The following AP3S2 variants were observed in gnomAD, a reference collection of about 807,000 sequenced individuals.
AP3S2 encodes the protein adaptor related protein complex 3 subunit sigma 2, also known as AP-3 complex subunit sigma-2.
Under a neutral mutation model 23.4 loss-of-function variants are expected in AP3S2, and 22 were observed. The ratio of observed to expected loss-of-function variants is 0.94; its 90% CI spans 0.67 to 1.34. The LOEUF is 1.34. Ranked by LOEUF, AP3S2 falls within the 40% of genes most tolerant of loss-of-function variation. The pLI is 0.00. For synonymous variants in AP3S2, 86 were observed against 87.1 expected, an observed-to-expected ratio of 0.99 and a Z score of 0.07; for missense variants, 241 against 236.9, an observed-to-expected ratio of 1.02 and a Z score of -0.11.
intron 3 of AP3S2, among the ~76,000 whole-genome samples, chr15:89,873,162 G>A (rs2141883536): frequency 6.6e-6 from 1 of 152,196 alleles, no homozygotes. Flanking sequence ...TAATCCTGCA[G>A]TTCAAGTCCT....
intron 4 of AP3S2, among the ~76,000 whole-genome samples, chr15:89,870,005 T>G (rs1010378705): frequency 6.6e-6 from 1 of 152,142 alleles, no homozygotes; most frequent in Non-Finnish European, 1.5e-5. Context: ...CCTCCCAAAG[T>G]GCTGGGATTA....
At chr15:89,855,945 T>TAAAAAA (rs34784306) in intron 4 of AP3S2, among the ~76,000 whole-genome samples, 51 of 111,860 alleles carry the variant, frequency 4.6e-4, no homozygotes, top group Non-Finnish European at 4.9e-4. Context: ...ATATGTCCTT[T>TAAAAAA]AAAAAAAAAA....
chr15:89,837,007 A>C (rs1266945342), intron 5 of AP3S2, among the ~76,000 whole-genome samples: 1 of 152,230 alleles, frequency 6.6e-6, no homozygotes, highest in Non-Finnish European at 1.5e-5. Context: ...TGCTCTGGGA[A>C]GGCTGAGGAA....
chr15:89,860,718 T>C (rs1236100341), intron 4 of AP3S2, among the ~76,000 whole-genome samples: 1 of 152,022 alleles, frequency 6.6e-6, no homozygotes, highest in African/African-American at 2.4e-5. Context: ...TCCTTATTAC[T>C]TAAGCCAAAA....
intron 4 of AP3S2, among the ~76,000 whole-genome samples, chr15:89,838,954 G>A (rs1895260732): frequency 6.6e-6 from 1 of 152,164 alleles, no homozygotes; most frequent in Admixed American, 6.5e-5. Flanking sequence ...TTTGGGTCTG[G>A]AGCAGGGCTT....
chr15:89,869,008 T>C (rs1185494571), intron 4 of AP3S2, among the ~76,000 whole-genome samples: 2,704 of 128,846 alleles, frequency 0.021, 34 homozygotes, highest in African/African-American at 0.076. Context: ...CGCCTCTGCC[T>C]GGCCGCCCCT....
At chr15:89,854,910 T>C (rs1332845980) in intron 4 of AP3S2, among the ~76,000 whole-genome samples, 24 of 5,264 alleles carry the variant, frequency 4.6e-3, no homozygotes, top group Non-Finnish European at 6.0e-3. Context: ...GGGGGGGGGT[T>C]GGCCCCCCTG....
At chr15:89,858,567 C>T (rs939987178) in intron 4 of AP3S2, among the ~76,000 whole-genome samples, 1 of 146,028 alleles carries the variant, frequency 6.8e-6, no homozygotes, top group Non-Finnish European at 1.5e-5. Flanking sequence ...GAAAGAGAAA[C>T]TCTACTTCTT....
At chr15:89,847,837 C>T in intron 4 of AP3S2, among the ~76,000 whole-genome samples, 1 of 152,162 alleles carries the variant, frequency 6.6e-6, no homozygotes, top group East Asian at 1.9e-4. Context: ...ATTTTCAAGG[C>T]TAGCAGCTCA....
In AP3S2 at chr15:89,835,627, G is replaced by A. The variant is rs1178963766; in HGVS notation, c.470C>T (p.Ala157Val). Residue 157 changes from alanine (A) to valine (V), a missense_variant, in exon 6 of 6, where the codon GCC becomes GTC. Ala to Val is a moderately conservative substitution (Grantham distance 64, BLOSUM62 0). Transcript: ENST00000336418. ...CACAGCAGACACAGCCCGCGCAGGG[G>A]CTGCTGAAAGGCCACCCTAAGAAGA... is the stretch of plus-strand genomic sequence containing the variant. ...LEKSEGGLSA[A>V]PARAVSAVKN... 8 of 1,612,974 alleles carry A rather than the reference G, an allele frequency of 5.0e-6. No individual in the cohort carries two copies. The highest frequency in any genetic ancestry group is 6.8e-6 in the Non-Finnish European group (8 of 1,179,872).
intron 4 of AP3S2, among the ~76,000 whole-genome samples, chr15:89,867,876 T>G: frequency 8.1e-6 from 1 of 123,840 alleles, no homozygotes; most frequent in African/African-American, 3.0e-5. Context: ...ATCTGGGAAG[T>G]GAGGAGCGGC....
chr15:89,890,631 C>A (rs1385944762), intron 1 of AP3S2, among the ~76,000 whole-genome samples: 1 of 152,194 alleles, frequency 6.6e-6, no homozygotes, highest in East Asian at 1.9e-4. Flanking sequence ...TAGTAAGCAC[C>A]CAGGCAATAA....
At chr15:89,871,925 A>G (rs1012791238) in intron 3 of AP3S2, among the ~76,000 whole-genome samples, 1 of 152,094 alleles carries the variant, frequency 6.6e-6, no homozygotes, top group African/African-American at 2.4e-5. Context: ...CCTTGCTAAC[A>G]AGACGAAAAC....
chr15:89,864,298 A>G (rs1167629581), intron 4 of AP3S2, among the ~76,000 whole-genome samples: 1 of 152,224 alleles, frequency 6.6e-6, no homozygotes, highest in Non-Finnish European at 1.5e-5. Flanking sequence ...TGTTTACAAA[A>G]CAGTATTAGA....
At chr15:89,844,265 TTCTTTCTCTCTC>T (rs1310370967) in intron 4 of AP3S2, among the ~76,000 whole-genome samples, 5 of 16,186 alleles carry the variant, frequency 3.1e-4, no homozygotes, top group Admixed American at 5.5e-4. Flanking sequence ...CTTTCTTTCT[TTCTTTCTCTCTC>T]TCTCTCTTTC....
intron 3 of AP3S2, among the ~76,000 whole-genome samples, chr15:89,880,056 G>A (rs547742032): frequency 2.6e-4 from 39 of 149,084 alleles, no homozygotes; most frequent in African/African-American, 8.9e-4. Context: ...GTGATAAAAT[G>A]TGCATCTTAG....
intron 4 of AP3S2, among the ~76,000 whole-genome samples, chr15:89,855,014 G>A (rs1234474619): frequency 8.1e-6 from 1 of 123,486 alleles, no homozygotes; most frequent in Non-Finnish European, 1.7e-5. Context: ...CCACCACCCC[G>A]TCTGGGAGGT....
In AP3S2 at chr15:89,871,491, A is replaced by T. The variant is rs1315254654; in HGVS notation, c.329T>A (p.Ile110Asn). 6.2e-7 allele frequency: 1 copy of T among 1,613,804 alleles called. No homozygotes were observed. Reference sequence around the variant, plus strand: ...AGAATATACCTTATCCATATGGAAGATCAAATCCAATTCACACACATTTTC... The same window carrying T: ...AGAATATACCTTATCCATATGGAAGTTCAAATCCAATTCACACACATTTTC... The part of the protein sequence containing the change: ...CFENVCELDL[I>N]FHMDKVHYIL... The change falls in exon 4 of 6, where the codon ATC becomes AAC. Residue 110 changes from isoleucine (I) to asparagine (N), a missense_variant. Coordinates refer to ENST00000336418, the MANE Select transcript of AP3S2 (RefSeq NM_005829.5).
Position 89,835,392 on chromosome 15 carries a change from C to A in AP3S2, c.*123G>T. 6.6e-7 allele frequency: 1 copy of A among 1,505,036 alleles called. No individual in the cohort carries two copies. The highest frequency in any genetic ancestry group is 1.3e-5 in the South Asian group (1 of 75,244). 93.2% of individuals were successfully genotyped at this position (1,505,036 alleles called of 1,614,324 possible). A position where few individuals can be genotyped will look rare whatever the true frequency, so the allele number is the denominator to read the frequency against. ...CATGCCAAACAGTCTTCCCCAGACA[C>A]AAAGTTTCCAGGTCCTGAGGCTTGA... On this transcript the variant is annotated 3_prime_UTR_variant, in exon 6 of 6. Transcript: ENST00000336418.
Sources: gnomAD v4.1 joint callset for allele counts (sites outside exome capture counted in the v4.1 genomes callset) on GRCh38, gnomAD v4.1.1 for gene constraint, MANE v1.5 for transcripts, NCBI Gene and HGNC (gene_info 2026-07-23, HGNC 2026-07-21) for gene names.